Variants in SGCZ observed in about 807,000 individuals in gnomAD.
SGCZ encodes sarcoglycan zeta.
In SGCZ, 40 loss-of-function variants were observed where a neutral mutation model predicts 41.3. The observed-to-expected ratio is 0.97, with a 90% CI of 0.75 to 1.26. The LOEUF (loss-of-function observed/expected upper bound fraction) is 1.26. Among genes scored for constraint, SGCZ ranks in the 50% most tolerant of loss-of-function variants. The pLI is 0.00. For missense variants in SGCZ, 552 were observed against 369.8 expected, an observed-to-expected ratio of 1.49 and a Z score of -4.04; for synonymous variants, 206 against 137.5, an observed-to-expected ratio of 1.50 and a Z score of -3.49.
At chr8:14,261,591 A>T (rs1327382998) in intron 3 of SGCZ, among the ~76,000 whole-genome samples, 2 of 152,172 alleles carry the variant, frequency 1.3e-5, no homozygotes, top group Non-Finnish European at 2.9e-5. Context: ...TGCCAAGTAT[A>T]AGCTATTTGA....
chr8:14,460,380 T>C (rs1800867684), intron 2 of SGCZ, among the ~76,000 whole-genome samples: 1 of 152,138 alleles, frequency 6.6e-6, no homozygotes, highest in African/African-American at 2.4e-5. Context: ...TTTAGGATAA[T>C]GAAGGCATTT....
intron 1 of SGCZ, among the ~76,000 whole-genome samples, chr8:15,092,138 G>A (rs1335764385): frequency 1.4e-4 from 21 of 152,096 alleles, no homozygotes; most frequent in South Asian, 2.1e-4. Flanking sequence ...CAGTGAAAAC[G>A]CTGGTCTTAC....
In SGCZ at chr8:14,769,793, T is replaced by TAAAAAAAAAAAAAAAAAAA. The variant is rs565416806; in HGVS notation, c.40-214886_40-214868dup. Among the ~76,000 whole-genome samples the TAAAAAAAAAAAAAAAAAAA allele has an allele frequency of 5.9e-4, 31 of 52,168 alleles. 1 individual carries two copies. The highest frequency in any genetic ancestry group is 1.2e-3 in the African/African-American group (10 of 8,108). The allele number at this position is 52,168 out of a possible 152,430, so 34.2% of individuals were successfully genotyped here. ...CTGGGCGACAAGAGCAAAACACCAT[T>TAAAAAAAAAAAAAAAAAAA]AAAAAAAAAAAAAAAAAAAAAACCC... On this transcript the variant is annotated intron_variant, in intron 1 of 7. Transcript: ENST00000382080.
intron 1 of SGCZ, among the ~76,000 whole-genome samples, chr8:14,589,627 C>G (rs1585104895): frequency 6.6e-6 from 1 of 152,046 alleles, no homozygotes; most frequent in South Asian, 2.1e-4. Context: ...CTAATCTAAA[C>G]TTTATTATTA....
At chr8:15,017,132 T>C (rs1803069461) in intron 1 of SGCZ, among the ~76,000 whole-genome samples, 2 of 152,202 alleles carry the variant, frequency 1.3e-5, no homozygotes. Context: ...GATTCAAGCC[T>C]AGATTTGAGT....
At chr8:14,215,406 C>T (rs1320078382) in intron 4 of SGCZ, among the ~76,000 whole-genome samples, 1 of 151,812 alleles carries the variant, frequency 6.6e-6, no homozygotes, top group Non-Finnish European at 1.5e-5. Flanking sequence ...TCCACTTGCC[C>T]TAGCAAAGAG....
intron 2 of SGCZ, among the ~76,000 whole-genome samples, chr8:14,390,380 A>C (rs1235010996): frequency 6.6e-6 from 1 of 151,892 alleles, no homozygotes; most frequent in Non-Finnish European, 1.5e-5. Flanking sequence ...TTGTAATAAT[A>C]AATCAGTTCA....
At chr8:14,501,545 T>A (rs1802154885) in intron 2 of SGCZ, among the ~76,000 whole-genome samples, 1 of 152,018 alleles carries the variant, frequency 6.6e-6, no homozygotes, top group Admixed American at 6.6e-5. Flanking sequence ...GAGATCTATA[T>A]CGTTGTAAAC....
chr8:14,818,593 A>C (rs547063965), intron 1 of SGCZ, among the ~76,000 whole-genome samples: 5 of 152,306 alleles, frequency 3.3e-5, no homozygotes, highest in Admixed American at 3.3e-4. Context: ...AAAGCAAAGG[A>C]CATTTACAGA....
At chr8:15,146,054 C>T (rs142900302) in intron 1 of SGCZ, among the ~76,000 whole-genome samples, 134 of 151,470 alleles carry the variant, frequency 8.8e-4, no homozygotes, top group Middle Eastern at 6.8e-3. Flanking sequence ...GAATAGGAGA[C>T]GGGAAGAAGT....
At chr8:14,158,301 G>C (rs796715034) in intron 5 of SGCZ, among the ~76,000 whole-genome samples, 10 of 152,246 alleles carry the variant, frequency 6.6e-5, no homozygotes, top group African/African-American at 2.4e-4. Flanking sequence ...AAGAGATTTT[G>C]CAGATGTAAT....
intron 6 of SGCZ, among the ~76,000 whole-genome samples, chr8:14,103,519 AAAGAACCACCTC>A (rs1395520758): frequency 6.6e-6 from 1 of 152,198 alleles, no homozygotes; most frequent in Non-Finnish European, 1.5e-5. Context: ...TGTTTTGCAG[AAAGAACCACCTC>A]AAATGGTTAG....
chr8:14,190,483 AG>A (rs1295463857), intron 4 of SGCZ, among the ~76,000 whole-genome samples: 2 of 152,154 alleles, frequency 1.3e-5, no homozygotes, highest in South Asian at 4.1e-4. Context: ...ACAATTCAAT[AG>A]TGAATACTGG....
intron 5 of SGCZ, among the ~76,000 whole-genome samples, chr8:14,162,156 C>T (rs12547822): frequency 0.32 from 49,258 of 151,836 alleles, 8,176 homozygotes; most frequent in Middle Eastern, 0.45. Flanking sequence ...GCCTTTACTT[C>T]GCTGGAACAA....
At chr8:14,505,596 T>G (rs1802282208) in intron 2 of SGCZ, among the ~76,000 whole-genome samples, 1 of 152,178 alleles carries the variant, frequency 6.6e-6, no homozygotes, top group Admixed American at 6.6e-5. Flanking sequence ...CTTCCTAGTT[T>G]TTATGTTAAT....
At chr8:14,836,248 A>G (rs1225081907) in intron 1 of SGCZ, among the ~76,000 whole-genome samples, 1 of 152,200 alleles carries the variant, frequency 6.6e-6, no homozygotes, top group Non-Finnish European at 1.5e-5. Context: ...AATGAACTCT[A>G]CAATCTTGAG....
intron 2 of SGCZ, among the ~76,000 whole-genome samples, chr8:14,551,466 ATATATAT>A (rs1456272773): frequency 0.08 from 505 of 6,352 alleles, 32 homozygotes; most frequent in East Asian, 0.13. Context: ...TATATATATT[ATATATAT>A]TATATATTAT....
chr8:14,675,746 C>A (rs1808257166), intron 1 of SGCZ, among the ~76,000 whole-genome samples: 1 of 152,142 alleles, frequency 6.6e-6, no homozygotes, highest in Admixed American at 6.5e-5. Context: ...TGTAAAATAT[C>A]ATCTTTTCAG....
intron 1 of SGCZ, among the ~76,000 whole-genome samples, chr8:15,161,311 C>T (rs1799506726): frequency 1.3e-5 from 2 of 152,148 alleles, no homozygotes; most frequent in South Asian, 2.1e-4. Context: ...TCCCAGGTAA[C>T]CATATTTAAA....
Sources: allele counts gnomAD v4.1 joint callset (sites outside exome capture counted in the v4.1 genomes callset), GRCh38; gene constraint gnomAD v4.1.1; transcripts MANE v1.5; gene names NCBI Gene and HGNC (gene_info 2026-07-23, HGNC 2026-07-21).